The following NDUFAB1 variants were observed in gnomAD, a reference collection of about 807,000 sequenced individuals.
The protein encoded by NDUFAB1 is acyl carrier protein, mitochondrial.
A neutral mutation model predicts 16.1 loss-of-function variants in NDUFAB1; 5 were observed. The observed-to-expected ratio is 0.31, with a 90% CI of 0.16 to 0.65. NDUFAB1 has a LOEUF of 0.65. Among genes scored for constraint, NDUFAB1 ranks in the 30% least tolerant of loss-of-function variants. The pLI, the probability that NDUFAB1 is intolerant of heterozygous loss-of-function variation, is 0.77. For missense variants in NDUFAB1, 187 were observed against 205.3 expected, an observed-to-expected ratio of 0.91 and a Z score of 0.54; for synonymous variants, 85 against 78.4, an observed-to-expected ratio of 1.08 and a Z score of -0.44.
chr16:23,582,212 G>C, intron 4 of NDUFAB1, 64 bp downstream of exon 4: 1 of 1,362,074 alleles, frequency 7.3e-7, no homozygotes, highest in African/African-American at 1.5e-5. Flanking sequence ...TTCTTCTTAA[G>C]TTTCCTTTAT....
At chr16:23,595,144 G>A (rs986974110) in intron 1 of NDUFAB1, among the ~76,000 whole-genome samples, 4 of 149,404 alleles carry the variant, frequency 2.7e-5, no homozygotes, top group Non-Finnish European at 5.9e-5. Flanking sequence ...CCAAATACTC[G>A]GGGGGGCTGA....
chr16:23,585,472 G>T, intron 2 of NDUFAB1, 49 bp from the exon 3 acceptor site: 1 of 1,323,958 alleles, frequency 7.6e-7, no homozygotes, highest in Non-Finnish European at 1.1e-6. Flanking sequence ...GAAAGCATCT[G>T]CTTCCCAAGA....
intron 1 of NDUFAB1, among the ~76,000 whole-genome samples, chr16:23,588,030 A>G (rs1178714982): frequency 6.6e-6 from 1 of 152,256 alleles, no homozygotes; most frequent in Non-Finnish European, 1.5e-5. Context: ...GTATTAGGGT[A>G]TTGACCAGAT....
intron 1 of NDUFAB1, 53 bp from the exon 2 acceptor site, chr16:23,587,372 A>G: frequency 6.2e-7 from 1 of 1,601,532 alleles, no homozygotes; most frequent in Non-Finnish European, 8.5e-7. Flanking sequence ...ATACCTCTAA[A>G]TCAATGCACA....
At chr16:23,591,500 A>G (rs1192196776) in intron 1 of NDUFAB1, among the ~76,000 whole-genome samples, 2 of 152,188 alleles carry the variant, frequency 1.3e-5, no homozygotes, top group Non-Finnish European at 2.9e-5. Context: ...AGACCTCTCA[A>G]ACTCAACAGT....
intron 3 of NDUFAB1, 66 bp downstream of exon 3, chr16:23,585,270 C>A: frequency 8.5e-7 from 1 of 1,171,840 alleles, no homozygotes; most frequent in South Asian, 1.2e-5. Context: ...AGACGCCCAC[C>A]ACTTCTTTCA....
intron 1 of NDUFAB1, among the ~76,000 whole-genome samples, chr16:23,588,943 C>A (rs1354950841): frequency 6.6e-6 from 1 of 151,836 alleles, no homozygotes; most frequent in African/African-American, 2.4e-5. Flanking sequence ...CCACTGCACT[C>A]CACCTTGGGC....
At chr16:23,586,944 G>A (rs1047174170) in intron 2 of NDUFAB1, among the ~76,000 whole-genome samples, 4 of 152,184 alleles carry the variant, frequency 2.6e-5, no homozygotes, top group East Asian at 1.9e-4. Context: ...CACAGTGCCC[G>A]GCCAGTTGTG....
intron 1 of NDUFAB1, chr16:23,591,135 C>T (rs947213489): frequency 6.6e-6 from 1 of 151,996 alleles, no homozygotes; most frequent in East Asian, 1.9e-4. Flanking sequence ...TCTTGCTGCT[C>T]CTTCTAACTG....
intron 3 of NDUFAB1, among the ~76,000 whole-genome samples, chr16:23,584,254 T>TAAAA (rs774895056): frequency 1.2e-3 from 14 of 12,108 alleles, no homozygotes; most frequent in East Asian, 3.3e-3. Flanking sequence ...GAATGATCAA[T>TAAAA]TAAAAAAAAA....
intron 1 of NDUFAB1, among the ~76,000 whole-genome samples, chr16:23,592,642 C>T (rs1169955416): frequency 6.7e-6 from 1 of 149,618 alleles, no homozygotes; most frequent in Non-Finnish European, 1.5e-5. Flanking sequence ...CGGGGCCTAC[C>T]TGGATCAAGT....
At chr16:23,582,400 TGA>T (rs1252500832) in intron 3 of NDUFAB1, 25 bp from the exon 4 acceptor site, 7 of 1,525,232 alleles carry the variant, frequency 4.6e-6, no homozygotes, top group South Asian at 1.3e-5. Flanking sequence ...TACAACAATG[TGA>T]GAGAGTTAAA....
intron 2 of NDUFAB1, among the ~76,000 whole-genome samples, chr16:23,586,453 T>C (rs1367041260): frequency 6.7e-6 from 1 of 149,752 alleles, no homozygotes; most frequent in Non-Finnish European, 1.5e-5. Context: ...CTCTGCCTCA[T>C]CCTCCCGAGT....
intron 1 of NDUFAB1, among the ~76,000 whole-genome samples, chr16:23,593,549 T>TCTG (rs1966296757): frequency 6.6e-6 from 1 of 152,214 alleles, no homozygotes; most frequent in African/African-American, 2.4e-5. Flanking sequence ...AAATGGTTCC[T>TCTG]CTGCTATATA....
intron 1 of NDUFAB1, among the ~76,000 whole-genome samples, chr16:23,590,414 T>C (rs894459019): frequency 6.6e-6 from 1 of 152,032 alleles, no homozygotes; most frequent in East Asian, 1.9e-4. Flanking sequence ...ATCTGTAAAA[T>C]GGGGATAAAC....
At position 23,596,109 on chromosome 16, in the gene NDUFAB1, T is replaced by C; in HGVS notation, c.168+14A>G. On this transcript the variant is annotated intron_variant, in intron 1 of 4. Transcript: ENST00000007516. ...TGACCCTTGCCAAGCGGCAGCAAAG[T>C]CACCACGAGTCACCTGCGCGAGCAC... 5.6e-6 allele frequency: 9 copies of C among 1,599,786 alleles called. No individual in the cohort carries two copies. Among genetic ancestry groups the C allele is most frequent in the Non-Finnish European group, 7.7e-6 (9 of 1,174,086 alleles).
At chr16:23,585,037 T>C (rs569747799) in intron 3 of NDUFAB1, among the ~76,000 whole-genome samples, 7 of 152,312 alleles carry the variant, frequency 4.6e-5, no homozygotes, top group Admixed American at 4.6e-4. Context: ...CTTTTGCCCT[T>C]TGTCTTAGAA....
chr16:23,586,338 T>C (rs1966232951), intron 2 of NDUFAB1, among the ~76,000 whole-genome samples: 1 of 151,556 alleles, frequency 6.6e-6, no homozygotes, highest in Non-Finnish European at 1.5e-5. Flanking sequence ...ACAGATTCAA[T>C]TTTTTTTCGT....
chr16:23,589,276 GAC>G (rs1014181249), intron 1 of NDUFAB1, among the ~76,000 whole-genome samples: 1 of 149,774 alleles, frequency 6.7e-6, no homozygotes, highest in African/African-American at 2.5e-5. Flanking sequence ...CAGCATGGGT[GAC>G]AGAGTGAGAT....
Sources: allele counts gnomAD v4.1 joint callset (sites outside exome capture counted in the v4.1 genomes callset), GRCh38; gene constraint gnomAD v4.1.1; transcripts MANE v1.5; gene names NCBI Gene and HGNC (gene_info 2026-07-23, HGNC 2026-07-21).